Variants in MAGI3 observed in about 807,000 individuals in gnomAD.
The protein encoded by MAGI3 is membrane-associated guanylate kinase, WW and PDZ domain-containing protein 3.
In MAGI3, 43 loss-of-function variants were observed where a neutral mutation model predicts 121.8. The ratio of observed to expected loss-of-function variants is 0.35; its 90% confidence interval spans 0.28 to 0.46. MAGI3 has a LOEUF of 0.46. Ranked by LOEUF, MAGI3 falls within the 20% of genes least tolerant of loss-of-function variation. The probability of loss-of-function intolerance (pLI) is 1.00; values close to 1 mark genes in which losing one functional copy is unlikely to be tolerated. For missense variants in MAGI3, 1,547 were observed against 1,797.3 expected (o/e 0.86, Z 2.52); for synonymous variants, 553 against 639.3 (o/e 0.86, Z 2.04).
intron 1 of MAGI3, among the ~76,000 whole-genome samples, chr1:113,450,927 C>T (rs1181306513): frequency 6.6e-6 from 1 of 152,170 alleles, no homozygotes; most frequent in Non-Finnish European, 1.5e-5. Context: ...TCAGGACTGT[C>T]ATAGCCACAG....
intron 16 of MAGI3, among the ~76,000 whole-genome samples, chr1:113,668,200 C>T (rs975516173): frequency 2.0e-5 from 3 of 152,018 alleles, no homozygotes. Context: ...CTAATAGACT[C>T]GCCCAATGCA....
intron 1 of MAGI3, among the ~76,000 whole-genome samples, chr1:113,456,415 A>T (rs1250730713): frequency 6.6e-6 from 1 of 152,190 alleles, no homozygotes; most frequent in Non-Finnish European, 1.5e-5. Flanking sequence ...TAACATACCC[A>T]TATACATATA....
At chr1:113,469,970 A>T (rs1655465236) in intron 1 of MAGI3, among the ~76,000 whole-genome samples, 1 of 152,120 alleles carries the variant, frequency 6.6e-6, no homozygotes, top group Non-Finnish European at 1.5e-5. Context: ...ACAATTTCCC[A>T]TATATGCTAA....
intron 18 of MAGI3, among the ~76,000 whole-genome samples, 183 bp downstream of exon 18, chr1:113,672,924 G>A (rs901781759): frequency 1.3e-5 from 2 of 152,202 alleles, no homozygotes; most frequent in African/African-American, 4.8e-5. Flanking sequence ...TGAAAGAAAA[G>A]TTTCCCCTAC....
At chr1:113,505,612 T>G (rs1349545520) in intron 1 of MAGI3, among the ~76,000 whole-genome samples, 1 of 151,688 alleles carries the variant, frequency 6.6e-6, no homozygotes, top group Non-Finnish European at 1.5e-5. Flanking sequence ...CAACGGATAA[T>G]AAGGGACAGA....
chr1:113,594,996 A>C (rs1648909794), intron 6 of MAGI3, among the ~76,000 whole-genome samples: 2 of 152,212 alleles, frequency 1.3e-5, no homozygotes, highest in Non-Finnish European at 2.9e-5. Context: ...CATTTACAGC[A>C]GCAGTAGAAA....
chr1:113,584,489 A>G (rs1190499152), intron 3 of MAGI3, among the ~76,000 whole-genome samples: 1 of 152,168 alleles, frequency 6.6e-6, no homozygotes, highest in South Asian at 2.1e-4. Flanking sequence ...TGTTTGTTCA[A>G]TAAATTGTCA....
chr1:113,449,000 C>A (rs1210814084), intron 1 of MAGI3, among the ~76,000 whole-genome samples: 2 of 151,876 alleles, frequency 1.3e-5, no homozygotes, highest in Non-Finnish European at 2.9e-5. Flanking sequence ...TGCCTGTAAT[C>A]CCAGCTACCT....
intron 16 of MAGI3, among the ~76,000 whole-genome samples, chr1:113,660,193 A>G (rs1367907622): frequency 6.6e-6 from 1 of 152,168 alleles, no homozygotes; most frequent in Non-Finnish European, 1.5e-5. Context: ...ACATGAATTG[A>G]CTTCACTGCT....
chr1:113,505,610 A>C (rs1657288950), intron 1 of MAGI3, among the ~76,000 whole-genome samples: 1 of 151,880 alleles, frequency 6.6e-6, no homozygotes, highest in East Asian at 1.9e-4. Flanking sequence ...TTCAACGGAT[A>C]ATAAGGGACA....
intron 1 of MAGI3, among the ~76,000 whole-genome samples, chr1:113,483,893 TTG>T (rs149847532): frequency 3.9e-4 from 58 of 149,162 alleles, no homozygotes; most frequent in East Asian, 1.2e-3. Context: ...TCTAATGTGA[TTG>T]TGTGTGTGTG....
At chr1:113,458,308 C>G (rs1387246750) in intron 1 of MAGI3, among the ~76,000 whole-genome samples, 2 of 151,870 alleles carry the variant, frequency 1.3e-5, no homozygotes, top group Admixed American at 6.6e-5. Context: ...AAGGATGGCC[C>G]TAATTTTTTG....
At chr1:113,546,660 TC>T (rs1021617554) in intron 1 of MAGI3, among the ~76,000 whole-genome samples, 3 of 151,672 alleles carry the variant, frequency 2.0e-5, no homozygotes, top group African/African-American at 7.3e-5. Flanking sequence ...TACAAAATTG[TC>T]CCTCACACTT....
At chr1:113,497,065 C>G (rs1389251813) in intron 1 of MAGI3, among the ~76,000 whole-genome samples, 4 of 152,184 alleles carry the variant, frequency 2.6e-5, no homozygotes, top group Non-Finnish European at 4.4e-5. Flanking sequence ...CAAGACCAAC[C>G]TGGGCAACGT....
In MAGI3 at chr1:113,413,442, G is replaced by A. The variant is rs534747611; in HGVS notation, c.316+22093G>A. The stretch of plus-strand genomic sequence containing the variant: ...AGTCATTGGTAGCTTCATGGGGATG[G>A]CATTTAATCTATAAATTACTTTGGG... On this transcript the variant is annotated intron_variant, in intron 1 of 20. Coordinates refer to ENST00000307546, the MANE Select transcript of MAGI3 (RefSeq NM_001142782.2). Among the ~76,000 whole-genome samples, 5 of 152,170 alleles carry A rather than the reference G, an allele frequency of 3.3e-5. No individual in the cohort carries two copies. In the East Asian group the frequency reaches 5.8e-4, roughly 18 times the overall value.
intron 8 of MAGI3, among the ~76,000 whole-genome samples, chr1:113,621,518 C>T (rs1173790099): frequency 3.3e-5 from 5 of 152,072 alleles, no homozygotes; most frequent in African/African-American, 1.2e-4. Context: ...TTTATAGTAA[C>T]TGCTGGAATT....
At chr1:113,403,682 T>C (rs1257348677) in intron 1 of MAGI3, 2 of 152,176 alleles carry the variant, frequency 1.3e-5, no homozygotes, top group African/African-American at 4.8e-5. Context: ...GATACTGACA[T>C]GTTCATGACC....
intron 9 of MAGI3, among the ~76,000 whole-genome samples, chr1:113,631,786 A>G (rs1311166797): frequency 6.6e-6 from 1 of 152,212 alleles, no homozygotes; most frequent in Non-Finnish European, 1.5e-5. Flanking sequence ...AATTGTAGAC[A>G]TAACATTACC....
At chr1:113,430,154 C>T (rs1653228638) in intron 1 of MAGI3, among the ~76,000 whole-genome samples, 1 of 152,040 alleles carries the variant, frequency 6.6e-6, no homozygotes, top group African/African-American at 2.4e-5. Context: ...TGAATAAATA[C>T]ATTTCTTTTT....
Sources: allele counts gnomAD v4.1 joint callset (sites outside exome capture counted in the v4.1 genomes callset), GRCh38; gene constraint gnomAD v4.1.1; transcripts MANE v1.5; gene names NCBI Gene and HGNC (gene_info 2026-07-23, HGNC 2026-07-21).